DCAF15: variants seen among roughly 807,000 people sequenced by gnomAD.
DCAF15 encodes the protein DDB1- and CUL4-associated factor 15.
Under a neutral mutation model 68.0 loss-of-function variants are expected in DCAF15, and 24 were observed. The observed-to-expected ratio is 0.35, with a 90% CI of 0.26 to 0.50. The LOEUF is 0.50. Ranked by LOEUF, DCAF15 falls within the 20% of genes least tolerant of loss-of-function variation. DCAF15 has a pLI of 0.98. For synonymous variants in DCAF15, 376 were observed against 341.6 expected (o/e 1.10, Z -1.11); for missense variants, 627 against 830.6 (o/e 0.75, Z 3.01).
rs371278670 is a variant in DCAF15, at chr19:13,959,368, C to T, written c.1108C>T (p.Pro370Ser). ...CCTAGCCCTGTGTGGAGAGACGGCA[C>T]CCCGGGACAGCCCCCCTGCCTCGGA... is the stretch of plus-strand genomic sequence containing the variant. ...EPLALCGETA[P>S]RDSPPASEAP... is the part of the protein sequence containing the mutation. The change falls in exon 7 of 13, where the codon CCC (proline) becomes TCC (serine). Residue 370 changes from proline to serine, a missense_variant. Coordinates refer to ENST00000254337, the MANE Select transcript of DCAF15 (RefSeq NM_138353.4). 2.5e-6 allele frequency: 4 copies of T among 1,605,802 alleles called. No homozygotes were observed. The highest frequency in any genetic ancestry group is 2.7e-5 in the African/African-American group (2 of 74,902).
rs1296847899 is a variant in DCAF15, at chr19:13,959,760, C to T, written c.1312-7C>T. On this transcript the variant is annotated splice_region_variant and splice_polypyrimidine_tract_variant and intron_variant, in intron 8 of 12. Coordinates refer to ENST00000254337, the MANE Select transcript of DCAF15 (RefSeq NM_138353.4). Reference sequence around the variant, plus strand: ...ACCGTCCCCTGCGCCTACCCACTCACCCGCAGGGCCAGTACCTGACAGTGG... The same window carrying T: ...ACCGTCCCCTGCGCCTACCCACTCATCCGCAGGGCCAGTACCTGACAGTGG... 1 of 1,613,676 alleles carries T rather than the reference C, an allele frequency of 6.2e-7. No homozygotes were observed. Among genetic ancestry groups the T allele is most frequent in the Non-Finnish European group, 8.5e-7 (1 of 1,179,920 alleles).
In DCAF15 at chr19:13,952,600, G is replaced by C; in HGVS notation, c.88G>C (p.Gly30Arg). ...GGGAGCCGGAGGGAAGCGGGCAGCA[G>C]GGCGGCGGCGGGAGCACGTCCTCAA... is the stretch of plus-strand genomic sequence containing the variant. ...PGGAGGKRAA[G>R]RRREHVLKQL... is the part of the protein sequence containing the mutation. Residue 30 changes from glycine to arginine, a missense_variant, in exon 1 of 13, where the codon GGG becomes CGG. Physicochemically the swap from Gly to Arg is moderately radical, Grantham distance 125. Transcript: ENST00000254337. 7.9e-7 allele frequency: 1 copy of C among 1,266,672 alleles called. No homozygotes were observed. The highest frequency in any genetic ancestry group is 1.0e-6 in the Non-Finnish European group (1 of 1,002,878). 78.5% of individuals were successfully genotyped at this position (1,266,672 alleles called of 1,614,324 possible).
Position 13,960,575 on chromosome 19 carries a change from A to C in DCAF15, c.1742A>C (p.His581Pro). The change falls in exon 12 of 13, where the codon CAC becomes CCC. Residue 581 changes from histidine to proline, a missense_variant. This residue lies in a region of DCAF15 where 118 missense variants were observed against 211.8 expected (regional missense o/e 0.56). Transcript: ENST00000254337. ...AACAGGATGACCAATGAGGCGCTGC[A>C]CAAAGGTGGGGCTCGGTGACCCCGT... ...YVNRMTNEAL[H>P]KGCSLKVLAD... 6.3e-7 allele frequency: 1 copy of C among 1,586,724 alleles called. No homozygotes were observed. Among genetic ancestry groups the C allele is most frequent in the Non-Finnish European group, 8.6e-7 (1 of 1,167,944 alleles).
chr19:13,959,293 G>A lies in DCAF15; in HGVS notation c.1033G>A (p.Ala345Thr), dbSNP rs1424431775. The change falls in exon 7 of 13, where the codon GCC (alanine) becomes ACC (threonine). Residue 345 changes from alanine to threonine, a missense_variant. Coordinates refer to ENST00000254337, the MANE Select transcript of DCAF15 (RefSeq NM_138353.4). ...KGGVPEEARPALCPGPSGSRC... is the reference protein window; with the variant it reads ...KGGVPEEARPTLCPGPSGSRC... The stretch of plus-strand genomic sequence containing the variant: ...CGGGGTCCCTGAGGAAGCCCGGCCT[G>A]CCCTGTGCCCAGGACCCTCTGGCAG... 6.2e-7 allele frequency: 1 copy of A among 1,609,638 alleles called. No homozygotes were observed. Among genetic ancestry groups the A allele is most frequent in the Non-Finnish European group, 8.5e-7 (1 of 1,179,786 alleles).
chr19:13,954,781 A>T (rs1055792650), intron 3 of DCAF15, 120 bp downstream of exon 3: 139 of 1,104,426 alleles, frequency 1.3e-4, no homozygotes, highest in Admixed American at 7.4e-4. Flanking sequence ...TGGGGTCATC[A>T]TCAAGATTCC....
intron 1 of DCAF15, 72 bp downstream of exon 1, chr19:13,952,716 G>C: frequency 1.5e-6 from 2 of 1,305,776 alleles, no homozygotes; most frequent in Non-Finnish European, 1.9e-6. Context: ...GGAGGGAGGA[G>C]GGCGTTCGCG....
At position 13,960,480 on chromosome 19, in the gene DCAF15, C is replaced by T. The variant is rs777738728; in HGVS notation, c.1647C>T (p.Ser549=). Reference sequence around the variant, plus strand: ...GGCCCCGCAGCGGCAGTGTCTGGAGCTCCTACCGCAAGAGCTGCGTGGACA... The same window carrying T: ...GGCCCCGCAGCGGCAGTGTCTGGAGTTCCTACCGCAAGAGCTGCGTGGACA... ...VKGQTSGSVW[S]SYRKSCVDMV... Residue 549 remains serine, a synonymous_variant, in exon 12 of 13, where the codon AGC becomes AGT. Coordinates refer to ENST00000254337, the MANE Select transcript of DCAF15 (RefSeq NM_138353.4). The T allele has an allele frequency of 6.2e-7, 1 of 1,611,748 alleles. No homozygotes were observed. The highest frequency in any genetic ancestry group is 1.3e-5 in the African/African-American group (1 of 75,030).
rs1973630628 is a variant in DCAF15 at position 13,961,283 on chromosome 19, C to G, written c.*288C>G. On this transcript the variant is annotated 3_prime_UTR_variant, in exon 13 of 13. Coordinates refer to ENST00000254337, the MANE Select transcript of DCAF15 (RefSeq NM_138353.4). ...CTGGGCATGGGCCTGGCCCCTCGTG[C>G]ATTTGCCCTTTTCTCGGCTACAGCT... 1 of 524,700 alleles carries G rather than the reference C, an allele frequency of 1.9e-6. No homozygotes were observed. 32.5% of individuals were successfully genotyped at this position (524,700 alleles called of 1,614,324 possible). A position where few individuals can be genotyped will look rare whatever the true frequency, so the allele number is the denominator to read the frequency against.
At chr19:13,956,299 T>G (rs962831419) in intron 5 of DCAF15, 37 bp downstream of exon 5, 26 of 1,609,474 alleles carry the variant, frequency 1.6e-5, no homozygotes, top group Non-Finnish European at 2.1e-5. Flanking sequence ...TCTTCCCCCC[T>G]CCCCCCCTTG....
intron 6 of DCAF15, 55 bp from the exon 7 acceptor site, chr19:13,958,990 G>A: frequency 6.5e-7 from 1 of 1,527,350 alleles, no homozygotes; most frequent in Non-Finnish European, 8.8e-7. Context: ...TGGGGACACT[G>A]AGCGAGGCTG....
At chr19:13,953,118 C>A in intron 1 of DCAF15, 1 of 1,549,866 alleles carries the variant, frequency 6.5e-7, no homozygotes, top group Non-Finnish European at 8.7e-7. Context: ...AGTTCCAGTA[C>A]CTGGGTGGGC....
intron 2 of DCAF15, 35 bp from the exon 3 acceptor site, chr19:13,954,491 C>G (rs771646336): frequency 1.2e-6 from 2 of 1,614,026 alleles, no homozygotes; most frequent in Non-Finnish European, 1.7e-6. Context: ...TGGGCTCGCC[C>G]TGACCTGGCC....
Position 13,956,537 on chromosome 19 carries a change from C to G in DCAF15, c.784+15C>G. On this transcript the variant is annotated intron_variant, in intron 6 of 12. Transcript: ENST00000254337. ...CCACTCGGCAGGTAGGCCCTGCGGT[C>G]TCGTGGCCACCCGGCAACGCGTGAA... 1 of 1,611,254 alleles carries G rather than the reference C, an allele frequency of 6.2e-7. No homozygotes were observed. The highest frequency in any genetic ancestry group is 8.5e-7 in the Non-Finnish European group (1 of 1,179,066).
At chr19:13,953,251 G>A in intron 1 of DCAF15, 3 of 1,028,978 alleles carry the variant, frequency 2.9e-6, no homozygotes. Context: ...GGGGGATGAT[G>A]TCTCTCTCCC....
chr19:13,958,631 G>A (rs552973291), intron 6 of DCAF15, among the ~76,000 whole-genome samples: 1 of 152,258 alleles, frequency 6.6e-6, no homozygotes, highest in South Asian at 2.1e-4. Flanking sequence ...GAAGGACCGA[G>A]GGCTTTGCCT....
At chr19:13,960,690 G>C in intron 12 of DCAF15, 110 bp downstream of exon 12, 1 of 1,173,130 alleles carries the variant, frequency 8.5e-7, no homozygotes, top group East Asian at 2.6e-5. Context: ...GTGAGGAGAG[G>C]GCAGCCCAGG....
chr19:13,956,100 G>T (rs1376906290), intron 4 of DCAF15, 23 bp from the exon 5 acceptor site: 1 of 1,610,372 alleles, frequency 6.2e-7, no homozygotes, highest in Non-Finnish European at 8.5e-7. Flanking sequence ...CGACCAGGCA[G>T]CTGAGGGTAT....
At position 13,952,662 on chromosome 19, in the gene DCAF15, A is replaced by G; in HGVS notation, c.132+18A>G. 1 of 1,043,248 alleles carries G rather than the reference A, an allele frequency of 9.6e-7. No individual in the cohort carries two copies. Among genetic ancestry groups the G allele is most frequent in the Non-Finnish European group, 1.2e-6 (1 of 868,680 alleles). 64.6% of individuals were successfully genotyped at this position (1,043,248 alleles called of 1,614,324 possible). On this transcript the variant is annotated intron_variant, in intron 1 of 12. Transcript: ENST00000254337. ...GGGTCAAGGTGAGGCCTGGAGCCGG[A>G]GTGGGGAGCGCGCCGGAGGGTGGGG...
chr19:13,953,035 C>T (rs1973150816), intron 1 of DCAF15: 3 of 1,473,074 alleles, frequency 2.0e-6, no homozygotes, highest in African/African-American at 2.8e-5. Context: ...TGCAGAGCCC[C>T]TGCCGCTGGC....
Sources: gnomAD v4.1 joint callset for allele counts (sites outside exome capture counted in the v4.1 genomes callset) on GRCh38, gnomAD v4.1.1 for gene constraint, gnomAD v4.1.1 regional missense constraint, MANE v1.5 for transcripts, NCBI Gene and HGNC (gene_info 2026-07-23, HGNC 2026-07-21) for gene names.